ARHGEF3: variants seen among roughly 807,000 people sequenced by gnomAD.
ARHGEF3 encodes 59.8 kDA protein.
ARHGEF3 carries 28 observed loss-of-function variants against 63.2 expected under a neutral mutation model. The ratio of observed to expected loss-of-function variants is 0.44; its 90% confidence interval spans 0.33 to 0.61. The LOEUF (loss-of-function observed/expected upper bound fraction) is 0.61, where lower values mean the gene tolerates loss of function less well. Ranked by LOEUF, ARHGEF3 falls within the 20% of genes least tolerant of loss-of-function variation. The pLI, the probability that ARHGEF3 is intolerant of heterozygous loss-of-function variation, is 0.03. For missense variants in ARHGEF3, 533 were observed against 659.3 expected (o/e 0.81, Z 2.10); for synonymous variants, 266 against 254.2 (o/e 1.05, Z -0.44).
intron 3 of ARHGEF3, among the ~76,000 whole-genome samples, chr3:56,935,035 ACT>A (rs1259649162): frequency 2.0e-5 from 3 of 152,124 alleles, no homozygotes; most frequent in East Asian, 1.9e-4. Flanking sequence ...ACCAATCGAC[ACT>A]CTGTATCTAG....
At chr3:56,766,433 C>T (rs76216347) in intron 2 of ARHGEF3, among the ~76,000 whole-genome samples, 28 of 152,300 alleles carry the variant, frequency 1.8e-4, no homozygotes, top group Non-Finnish European at 3.8e-4. Context: ...TCCTTCAGCC[C>T]AGTTGAAGAA....
intron 3 of ARHGEF3, among the ~76,000 whole-genome samples, chr3:56,914,470 C>T (rs1376609641): frequency 6.6e-6 from 1 of 152,174 alleles, no homozygotes; most frequent in Admixed American, 6.5e-5. Context: ...CAGTAAACAG[C>T]TCTCAAATCT....
chr3:57,013,914 CCAG>C (rs1256593094), intron 2 of ARHGEF3, among the ~76,000 whole-genome samples: 1 of 152,178 alleles, frequency 6.6e-6, no homozygotes, highest in African/African-American at 2.4e-5. Context: ...GCTGCCGGAG[CCAG>C]CAGCGGCAAC....
chr3:56,945,319 C>T (rs1221968804), intron 3 of ARHGEF3, among the ~76,000 whole-genome samples: 1 of 152,064 alleles, frequency 6.6e-6, no homozygotes, highest in Non-Finnish European at 1.5e-5. Flanking sequence ...CAGGGTGAGG[C>T]ATTGCCTCAC....
intron 6 of ARHGEF3, 103 bp from the exon 7 acceptor site, chr3:56,745,565 C>G: frequency 7.5e-7 from 1 of 1,333,090 alleles, no homozygotes; most frequent in South Asian, 1.5e-5. Flanking sequence ...TAACTGGTCT[C>G]TGGGTCTGGC....
intron 2 of ARHGEF3, among the ~76,000 whole-genome samples, chr3:56,770,957 C>A (rs1011186534): frequency 1.3e-5 from 2 of 151,822 alleles, no homozygotes; most frequent in East Asian, 1.9e-4. Context: ...ACTAAAAATA[C>A]AAAAAATTAG....
intron 2 of ARHGEF3, among the ~76,000 whole-genome samples, chr3:56,961,994 A>G (rs958954849): frequency 1.3e-5 from 2 of 152,190 alleles, no homozygotes; most frequent in Non-Finnish European, 2.9e-5. Flanking sequence ...GCAACGAGCT[A>G]TGATCATATT....
intron 2 of ARHGEF3, among the ~76,000 whole-genome samples, chr3:57,017,370 G>A (rs546728731): frequency 6.6e-6 from 1 of 152,124 alleles, no homozygotes; most frequent in Non-Finnish European, 1.5e-5. Flanking sequence ...CAATACCCAG[G>A]ACATGCTCTG....
chr3:56,975,218 G>A (rs191348270), intron 2 of ARHGEF3, among the ~76,000 whole-genome samples: 31 of 152,260 alleles, frequency 2.0e-4, no homozygotes, highest in African/African-American at 7.0e-4. Context: ...AGGAGTATGA[G>A]ACTAGCTTGG....
chr3:56,845,126 C>G (rs35522485), intron 4 of ARHGEF3, among the ~76,000 whole-genome samples: 17,996 of 152,160 alleles, frequency 0.12, 1,218 homozygotes, highest in Non-Finnish European at 0.15. Flanking sequence ...CCTTCAACCA[C>G]AAGAAGCTGA....
chr3:56,937,711 G>C (rs186757983), intron 3 of ARHGEF3, among the ~76,000 whole-genome samples: 1 of 152,214 alleles, frequency 6.6e-6, no homozygotes, highest in East Asian at 1.9e-4. Context: ...TTGTTTTTAG[G>C]GGGTAGGCTG....
At chr3:56,915,706 G>T (rs947590811) in intron 3 of ARHGEF3, among the ~76,000 whole-genome samples, 2 of 152,048 alleles carry the variant, frequency 1.3e-5, no homozygotes, top group African/African-American at 4.8e-5. Context: ...GATAATATCT[G>T]ACTTCACTCT....
At chr3:56,784,516 T>C (rs2036709014) in intron 1 of ARHGEF3, among the ~76,000 whole-genome samples, 1 of 152,184 alleles carries the variant, frequency 6.6e-6, no homozygotes, top group African/African-American at 2.4e-5. Flanking sequence ...ACTTTGGGGT[T>C]CCGGAGTCAG....
intron 2 of ARHGEF3, among the ~76,000 whole-genome samples, chr3:57,001,670 G>A (rs1159891647): frequency 6.6e-6 from 1 of 152,254 alleles, no homozygotes; most frequent in East Asian, 1.9e-4. Context: ...CTGCTGGAAC[G>A]TGGACATGAG....
intron 8 of ARHGEF3, among the ~76,000 whole-genome samples, chr3:56,735,673 G>C (rs1242951235): frequency 6.6e-6 from 1 of 152,172 alleles, no homozygotes; most frequent in African/African-American, 2.4e-5. Context: ...TAAGATACTA[G>C]AAGTCCACAG....
intron 2 of ARHGEF3, among the ~76,000 whole-genome samples, chr3:56,960,296 T>C (rs1700223363): frequency 6.6e-6 from 1 of 152,222 alleles, no homozygotes; most frequent in Non-Finnish European, 1.5e-5. Context: ...ATAAGAGCAC[T>C]GACGCCTAGG....
At chr3:56,749,615 C>T (rs951015747) in intron 6 of ARHGEF3, among the ~76,000 whole-genome samples, 1 of 152,164 alleles carries the variant, frequency 6.6e-6, no homozygotes, top group Non-Finnish European at 1.5e-5. Flanking sequence ...GGTTGGCTGG[C>T]TCTCTTTGGA....
chr3:57,040,540 G>A (rs930170623), intron 1 of ARHGEF3, among the ~76,000 whole-genome samples: 5 of 144,382 alleles, frequency 3.5e-5, no homozygotes, highest in African/African-American at 1.0e-4. Context: ...GCTATTAGGA[G>A]TTAGGATAGC....
At chr3:56,922,333 T>C (rs1018500272) in intron 3 of ARHGEF3, among the ~76,000 whole-genome samples, 5 of 152,216 alleles carry the variant, frequency 3.3e-5, no homozygotes, top group Admixed American at 2.6e-4. Flanking sequence ...GTCTGTGGGT[T>C]ACTGACCTCT....
Sources: gnomAD v4.1 joint callset for allele counts (sites outside exome capture counted in the v4.1 genomes callset) on GRCh38, gnomAD v4.1.1 for gene constraint, MANE v1.5 for transcripts, NCBI Gene and HGNC (gene_info 2026-07-23, HGNC 2026-07-21) for gene names.